The following MKKS variants were observed in gnomAD, a reference collection of about 807,000 sequenced individuals.
MKKS encodes molecular chaperone MKKS.
Under a neutral mutation model 33.2 loss-of-function variants are expected in MKKS, and 29 were observed. The observed-to-expected ratio is 0.87, with a 90% CI of 0.65 to 1.19. MKKS has a LOEUF of 1.19. MKKS is among the 50% of genes most tolerant of loss of function. MKKS has a pLI of 0.00. For missense variants in MKKS, 661 were observed against 662.3 expected (o/e 1.00, Z 0.02); for synonymous variants, 260 against 244.0 (o/e 1.07, Z -0.61).
intron 4 of MKKS, among the ~76,000 whole-genome samples, chr20:10,408,040 A>T (rs1240495976): frequency 6.6e-6 from 1 of 152,216 alleles, no homozygotes; most frequent in African/African-American, 2.4e-5. Flanking sequence ...GTTTGCTGAC[A>T]CTTCCACTAA....
At chr20:10,407,893 G>A (rs557735493) in intron 4 of MKKS, among the ~76,000 whole-genome samples, 167 bp from the exon 5 acceptor site, 1 of 152,316 alleles carries the variant, frequency 6.6e-6, no homozygotes, top group Admixed American at 6.5e-5. Context: ...ATTCTGAATA[G>A]TAAGGTTTAG....
At chr20:10,418,198 A>G (rs1282210220) in intron 2 of MKKS, among the ~76,000 whole-genome samples, 2 of 152,252 alleles carry the variant, frequency 1.3e-5, no homozygotes, top group African/African-American at 4.8e-5. Flanking sequence ...GATTTGATTT[A>G]AAATATTCTA....
chr20:10,429,658 T>A (rs1192711321), intron 1 of MKKS, among the ~76,000 whole-genome samples: 1 of 152,194 alleles, frequency 6.6e-6, no homozygotes, highest in African/African-American at 2.4e-5. Flanking sequence ...TCTGCCCTTT[T>A]CCTCATGCTC....
chr20:10,423,245 C>T (rs2064993609), intron 1 of MKKS, among the ~76,000 whole-genome samples: 1 of 152,070 alleles, frequency 6.6e-6, no homozygotes, highest in Non-Finnish European at 1.5e-5. Context: ...CGTGGCAAAA[C>T]CCGTTTCTAC....
intron 1 of MKKS, among the ~76,000 whole-genome samples, chr20:10,432,789 CAAAAAAAAAAAAA>C (rs71184200): frequency 1.3e-5 from 1 of 74,590 alleles, no homozygotes; most frequent in Non-Finnish European, 2.5e-5. Flanking sequence ...GACTCTTTGT[CAAAAAAAAAAAAA>C]AAAAAAAAAA....
Position 10,401,553 on chromosome 20 carries a change from G to T in MKKS, c.*3694C>A, listed in dbSNP as rs1366942260. 2 of 152,104 alleles carry T rather than the reference G, an allele frequency of 1.3e-5. No individual in the cohort carries two copies. Among genetic ancestry groups the T allele is most frequent in the African/African-American group, 4.8e-5 (2 of 41,430 alleles). 9.4% of individuals were successfully genotyped at this position (152,104 alleles called of 1,614,324 possible). On this transcript the variant is annotated 3_prime_UTR_variant, in exon 6 of 6. Coordinates refer to ENST00000347364, the MANE Select transcript of MKKS (RefSeq NM_170784.3). ...AATAACCTAACTAATTGTATGTTTT[G>T]TCAAGGCCTGCATTGATTTTTTACA...
chr20:10,402,485 A>C lies in MKKS; in HGVS notation c.*2762T>G, dbSNP rs1388894305. The C allele has an allele frequency of 4.6e-5, 7 of 152,200 alleles. No individual in the cohort carries two copies. Among genetic ancestry groups the C allele is most frequent in the Non-Finnish European group, 7.3e-5 (5 of 68,032 alleles). The allele number at this position is 152,200 out of a possible 1,614,324, so 9.4% of individuals were successfully genotyped here. A position where few individuals can be genotyped will look rare whatever the true frequency, so the allele number is the denominator to read the frequency against. ...AGGAAACATAGAGGTATTTGTAAAT[A>C]TATTTTAACGAATTTGTGATATATT... On this transcript the variant is annotated 3_prime_UTR_variant, in exon 6 of 6. Transcript: ENST00000347364.
In MKKS at chr20:10,401,624, ATTATT is replaced by A. The variant is rs751406882; in HGVS notation, c.*3618_*3622del. ...CATAATGTATGTGATGGTAAACAACATTATTTTATTTTAAAGTTATCCAAAGAACT... is the reference window on the plus strand; with the variant it reads ...CATAATGTATGTGATGGTAAACAACATTATTTTAAAGTTATCCAAAGAACT... On this transcript the variant is annotated 3_prime_UTR_variant, in exon 6 of 6. Coordinates refer to ENST00000347364, the MANE Select transcript of MKKS (RefSeq NM_170784.3). The A allele has an allele frequency of 3.9e-5, 6 of 152,190 alleles. No individual in the cohort carries two copies. The highest frequency in any genetic ancestry group is 1.3e-4 in the Admixed American group (2 of 15,280). 9.4% of individuals were successfully genotyped at this position (152,190 alleles called of 1,614,324 possible).
intron 2 of MKKS, 143 bp from the exon 3 acceptor site, chr20:10,414,074 G>A: frequency 5.4e-6 from 2 of 369,134 alleles, no homozygotes; most frequent in Non-Finnish European, 9.5e-6. Flanking sequence ...AAATGAGAAA[G>A]GTAGACCAAC....
At chr20:10,419,486 C>T (rs1230708756) in intron 2 of MKKS, among the ~76,000 whole-genome samples, 1 of 152,066 alleles carries the variant, frequency 6.6e-6, no homozygotes, top group Admixed American at 6.6e-5. Context: ...AGTGACCTCC[C>T]CCATTTATCT....
intron 1 of MKKS, among the ~76,000 whole-genome samples, chr20:10,427,029 G>GACACAC (rs377703248): frequency 0.046 from 6,006 of 130,630 alleles, 199 homozygotes; most frequent in African/African-American, 0.06. Context: ...AGAAAACACT[G>GACACAC]ACACACACAC....
chr20:10,429,586 T>C (rs2065039938), intron 1 of MKKS, among the ~76,000 whole-genome samples: 1 of 152,194 alleles, frequency 6.6e-6, no homozygotes, highest in Non-Finnish European at 1.5e-5. Flanking sequence ...GGATTTCCTG[T>C]TTCGTTAACA....
rs780313930 is a variant in MKKS, at chr20:10,413,325, GCAGAGCTGAGGACTGTGAGGTTGTACA to G, written c.163_189del (p.Cys55_Leu63del). On this transcript the variant is annotated inframe_deletion, in exon 3 of 6. Coordinates refer to ENST00000347364, the MANE Select transcript of MKKS (RefSeq NM_170784.3). ...GGATGTGTGACCAAAAGGTGACTGA[GCAGAGCTGAGGACTGTGAGGTTGTACA>G]CACGTAACCTCCAAAGCCATTGTGC... The G allele has an allele frequency of 6.2e-7, 1 of 1,614,194 alleles. No individual in the cohort carries two copies. The highest frequency in any genetic ancestry group is 1.1e-5 in the South Asian group (1 of 91,088).
intron 1 of MKKS, among the ~76,000 whole-genome samples, chr20:10,426,227 TCTTGC>T (rs1309509711): frequency 1.3e-5 from 2 of 152,252 alleles, no homozygotes; most frequent in Non-Finnish European, 2.9e-5. Flanking sequence ...GTCTTTAAAG[TCTTGC>T]CTAGTACTCT....
chr20:10,425,292 G>A (rs879035685), intron 1 of MKKS, among the ~76,000 whole-genome samples: 3 of 152,028 alleles, frequency 2.0e-5, no homozygotes, highest in Admixed American at 6.6e-5. Flanking sequence ...TTATAATGGC[G>A]ATATCCTAAT....
rs1407607421 is a variant in MKKS, at chr20:10,408,734, G to C, written c.1055C>G (p.Thr352Ser). The C allele has an allele frequency of 2.5e-6, 4 of 1,613,684 alleles. No homozygotes were observed. Among genetic ancestry groups the C allele is most frequent in the Non-Finnish European group, 3.4e-6 (4 of 1,179,776 alleles). ...AAAATGTTTGGAGCCAAATTTTGCA[G>C]TGCACACATCTTTCACACTTCCATA... ...NSYGSVKDVC[T>S]AKFGSKHFFH... The change falls in exon 4 of 6, where the codon ACT becomes AGT. Residue 352 changes from threonine (T) to serine (S), a missense_variant. Transcript: ENST00000347364.
rs1439636916 is a variant in MKKS at position 10,413,462 on chromosome 20, G to A, written c.53C>T (p.Thr18Ile). The A allele has an allele frequency of 1.2e-6, 2 of 1,614,142 alleles. No individual in the cohort carries two copies. Among genetic ancestry groups the A allele is most frequent in the African/African-American group, 1.3e-5 (1 of 75,056 alleles). ...AAGTGTGGTCCTGACTCTCTCAGTT[G>A]TCAGTGGTTCACTCTTACACAATGA... ...KPSLCKSEPLTTERVRTTLSV... is the reference protein window; with the variant it reads ...KPSLCKSEPLITERVRTTLSV... Residue 18 changes from threonine to isoleucine, a missense_variant, in exon 3 of 6, where the codon ACA becomes ATA. Thr to Ile is a moderately conservative substitution (Grantham distance 89, BLOSUM62 -1). Coordinates refer to ENST00000347364, the MANE Select transcript of MKKS (RefSeq NM_170784.3).
intron 2 of MKKS, among the ~76,000 whole-genome samples, chr20:10,414,651 TG>T (rs2064923971): frequency 6.6e-6 from 1 of 152,228 alleles, no homozygotes; most frequent in African/African-American, 2.4e-5. Flanking sequence ...AATTGTGGTT[TG>T]CTTGGAAACT....
chr20:10,406,661 A>C (rs1400429080), intron 5 of MKKS, among the ~76,000 whole-genome samples: 1 of 152,214 alleles, frequency 6.6e-6, no homozygotes. Context: ...TAACTGAATG[A>C]TGGGTTAAAA....
Sources: gnomAD v4.1 joint callset for allele counts (sites outside exome capture counted in the v4.1 genomes callset) on GRCh38, gnomAD v4.1.1 for gene constraint, MANE v1.5 for transcripts, NCBI Gene and HGNC (gene_info 2026-07-23, HGNC 2026-07-21) for gene names.